Variants in LCLAT1 observed in about 807,000 individuals in gnomAD.
The protein encoded by LCLAT1 is lysocardiolipin acyltransferase 1, also known as 1-AGP acyltransferase 8.
LCLAT1 carries 11 observed loss-of-function variants against 30.7 expected under a neutral mutation model. That is an observed-to-expected ratio of 0.36 (90% CI 0.23 to 0.59). The LOEUF (loss-of-function observed/expected upper bound fraction) is 0.59, where lower values mean the gene tolerates loss of function less well. LCLAT1 is among the 20% of genes least tolerant of loss of function. LCLAT1 has a pLI of 0.77. For missense variants in LCLAT1, 402 were observed against 458.6 expected, an observed-to-expected ratio of 0.88 and a Z score of 1.13; for synonymous variants, 155 against 151.3, an observed-to-expected ratio of 1.02 and a Z score of -0.18.
chr2:30,510,623 G>A (rs752703806), intron 1 of LCLAT1, among the ~76,000 whole-genome samples: 2 of 152,068 alleles, frequency 1.3e-5, no homozygotes, highest in East Asian at 1.9e-4. Flanking sequence ...CATTTTCTCC[G>A]GTTCCGGGGA....
chr2:30,640,737 T>A lies in LCLAT1; in HGVS notation c.*118T>A, dbSNP rs936376491. On this transcript the variant is annotated 3_prime_UTR_variant, in exon 6 of 6. Coordinates refer to ENST00000379509, the MANE Select transcript of LCLAT1 (RefSeq NM_001002257.3). ...GAATATTTCTTACTGCCATCATTAT[T>A]TGTTAAAGATATTTTGCACTTAATT... 43 of 1,243,622 alleles carry A rather than the reference T, an allele frequency of 3.5e-5. No homozygotes were observed. The highest frequency in any genetic ancestry group is 4.5e-5 in the Non-Finnish European group (41 of 910,134). The allele number at this position is 1,243,622 out of a possible 1,614,324, so 77.0% of individuals were successfully genotyped here.
chr2:30,499,861 A>G (rs1684287545), intron 1 of LCLAT1, among the ~76,000 whole-genome samples: 1 of 152,172 alleles, frequency 6.6e-6, no homozygotes, highest in Non-Finnish European at 1.5e-5. Flanking sequence ...GTTTTTATTT[A>G]TTAATGGTAA....
At chr2:30,611,293 C>T (rs1175636833) in intron 5 of LCLAT1, among the ~76,000 whole-genome samples, 1 of 151,960 alleles carries the variant, frequency 6.6e-6, no homozygotes, top group Non-Finnish European at 1.5e-5. Flanking sequence ...TTGCTGCAAC[C>T]AAAAATTCTT....
At chr2:30,448,639 G>A (rs1681388226) in intron 1 of LCLAT1, among the ~76,000 whole-genome samples, 1 of 152,180 alleles carries the variant, frequency 6.6e-6, no homozygotes, top group Non-Finnish European at 1.5e-5. Context: ...TGAACACATG[G>A]TCGTCTGCAT....
At chr2:30,504,851 G>A (rs1281063718) in intron 1 of LCLAT1, among the ~76,000 whole-genome samples, 1 of 152,130 alleles carries the variant, frequency 6.6e-6, no homozygotes, top group African/African-American at 2.4e-5. Flanking sequence ...TGTGTCATTG[G>A]CAGGTATTCT....
At chr2:30,449,546 G>A (rs1411873962) in intron 1 of LCLAT1, among the ~76,000 whole-genome samples, 1 of 151,672 alleles carries the variant, frequency 6.6e-6, no homozygotes, top group African/African-American at 2.4e-5. Flanking sequence ...TGTTGCCAGG[G>A]CTGGAGTGCA....
chr2:30,494,928 C>T (rs1372756370), intron 1 of LCLAT1, among the ~76,000 whole-genome samples: 12 of 147,820 alleles, frequency 8.1e-5, no homozygotes, highest in African/African-American at 1.7e-4. Flanking sequence ...GTTCGTTTCA[C>T]GATATAACCA....
In LCLAT1 at chr2:30,640,628, G is replaced by A. The variant is rs1311094338; in HGVS notation, c.*9G>A. On this transcript the variant is annotated 3_prime_UTR_variant, in exon 6 of 6. Transcript: ENST00000379509. ...CAAAGAAAAATGAGTAAGATTATAAGGTTTGCCATGTGAAAACCTAGAGCA... is the reference window on the plus strand; with the variant it reads ...CAAAGAAAAATGAGTAAGATTATAAAGTTTGCCATGTGAAAACCTAGAGCA... 18 of 1,571,546 alleles carry A rather than the reference G, an allele frequency of 1.1e-5. No individual in the cohort carries two copies. Among genetic ancestry groups the A allele is most frequent in the Non-Finnish European group, 1.1e-5 (13 of 1,163,170 alleles).
At chr2:30,540,469 A>G (rs1664080005) in intron 3 of LCLAT1, among the ~76,000 whole-genome samples, 1 of 152,178 alleles carries the variant, frequency 6.6e-6, no homozygotes, top group Admixed American at 6.5e-5. Flanking sequence ...AAGAGTTGAA[A>G]CCTAGATCAG....
chr2:30,633,747 A>C (rs978282274), intron 5 of LCLAT1, among the ~76,000 whole-genome samples: 1 of 152,240 alleles, frequency 6.6e-6, no homozygotes, highest in Non-Finnish European at 1.5e-5. Context: ...TTGATTGTGG[A>C]ATGGAGAAAG....
intron 3 of LCLAT1, among the ~76,000 whole-genome samples, chr2:30,537,900 A>G (rs1193516822): frequency 6.6e-6 from 1 of 152,240 alleles, no homozygotes; most frequent in Non-Finnish European, 1.5e-5. Flanking sequence ...CCACAATGAA[A>G]TAAAGTTAGA....
In LCLAT1 at chr2:30,560,501, G is replaced by A. The variant is rs533298217; in HGVS notation, c.365-1645G>A. Among the ~76,000 whole-genome samples the A allele has an allele frequency of 9.2e-5, 14 of 152,124 alleles. No individual in the cohort carries two copies. In the East Asian group the frequency reaches 2.3e-3, roughly 25 times the overall value. The stretch of plus-strand genomic sequence containing the variant: ...TTACAGGCAGCTGCCATCATGCCTG[G>A]CTAATTTTTGTATTTTTGTAGAGAT... On this transcript the variant is annotated intron_variant, in intron 3 of 5. Transcript: ENST00000379509.
At chr2:30,553,417 C>T (rs547182825) in intron 3 of LCLAT1, among the ~76,000 whole-genome samples, 1 of 152,312 alleles carries the variant, frequency 6.6e-6, no homozygotes, top group South Asian at 2.1e-4. Flanking sequence ...GGTAGTGGAG[C>T]TATGCCAGTA....
intron 1 of LCLAT1, among the ~76,000 whole-genome samples, chr2:30,447,737 C>T (rs1385545024): frequency 6.6e-6 from 1 of 152,218 alleles, no homozygotes; most frequent in Non-Finnish European, 1.5e-5. Flanking sequence ...CCTCCTGCGA[C>T]CTCAGCGGGT....
intron 1 of LCLAT1, among the ~76,000 whole-genome samples, chr2:30,508,291 C>G (rs1684772192): frequency 6.6e-6 from 1 of 152,038 alleles, no homozygotes; most frequent in Non-Finnish European, 1.5e-5. Context: ...TTTCTGAAAT[C>G]TCGTTTGTCA....
Position 30,605,250 on chromosome 2 carries a change from T to TC in LCLAT1, c.629-34866dup, listed in dbSNP as rs1275289293. Among the ~76,000 whole-genome samples the TC allele has an allele frequency of 3.9e-5, 6 of 152,354 alleles. No homozygotes were observed. In the East Asian group the frequency reaches 7.7e-4, roughly 20 times the overall value. On this transcript the variant is annotated intron_variant, in intron 5 of 5. Transcript: ENST00000379509. ...CACAGCCGTATTTTCTAATTTAAAT[T>TC]CAATCATAATATCCAAACAGCCCTT... is the stretch of plus-strand genomic sequence containing the variant.
chr2:30,585,126 A>G (rs907906210), intron 5 of LCLAT1, among the ~76,000 whole-genome samples: 4 of 152,048 alleles, frequency 2.6e-5, no homozygotes, highest in Admixed American at 1.3e-4. Context: ...TGACCATGCT[A>G]TCTGCCTTAT....
intron 5 of LCLAT1, among the ~76,000 whole-genome samples, chr2:30,621,805 G>C (rs1193431856): frequency 6.6e-6 from 1 of 152,116 alleles, no homozygotes; most frequent in Non-Finnish European, 1.5e-5. Context: ...GGGGTCCTTG[G>C]GGAGGACTGC....
intron 1 of LCLAT1, among the ~76,000 whole-genome samples, chr2:30,521,761 TC>T (rs1392532246): frequency 6.6e-6 from 1 of 151,986 alleles, no homozygotes; most frequent in Admixed American, 6.6e-5. Context: ...CCCCTTGGCC[TC>T]CCAAAATGCT....
Sources: allele counts gnomAD v4.1 joint callset (sites outside exome capture counted in the v4.1 genomes callset), GRCh38; gene constraint gnomAD v4.1.1; transcripts MANE v1.5; gene names NCBI Gene and HGNC (gene_info 2026-07-23, HGNC 2026-07-21).